Variants in KAZN observed in about 807,000 individuals in gnomAD.
The protein encoded by KAZN is kazrin.
A neutral mutation model predicts 87.4 loss-of-function variants in KAZN; 40 were observed. That is an observed-to-expected ratio of 0.46 (90% CI 0.36 to 0.60). The LOEUF (loss-of-function observed/expected upper bound fraction) is 0.60. Ranked by LOEUF, KAZN falls within the 20% of genes least tolerant of loss-of-function variation. KAZN has a pLI of 0.00. For missense variants in KAZN, 898 were observed against 1,073.9 expected (o/e 0.84, Z 2.29); for synonymous variants, 466 against 458.3 (o/e 1.02, Z -0.22).
rs114849500 is a variant in KAZN, at chr1:14,419,507, C to G, written c.250-179476C>G. 8.5e-3 allele frequency among the ~76,000 whole-genome samples: 1,298 copies of G among 152,294 alleles called. 16 individuals carry two copies. Among genetic ancestry groups the G allele is most frequent in the African/African-American group, 0.03 (1,244 of 41,556 alleles). On this transcript the variant is annotated intron_variant, in intron 2 of 16. Coordinates refer to the KAZN transcript ENST00000636203. ...CCCTGGACTTACCAGAGTGTTAGGCCAGTTCCCTCTGTGTGGGGAAGTGTC... is the reference window on the plus strand; with the variant it reads ...CCCTGGACTTACCAGAGTGTTAGGCGAGTTCCCTCTGTGTGGGGAAGTGTC...
Position 14,514,398 on chromosome 1 carries a change from TA to T in KAZN, c.250-84584del, listed in dbSNP as rs1185297891. Among the ~76,000 whole-genome samples, 3 of 24,706 alleles carry T rather than the reference TA, an allele frequency of 1.2e-4. 1 individual carries two copies. Among genetic ancestry groups the T allele is most frequent in the African/African-American group, 1.8e-4 (1 of 5,634 alleles). The allele number at this position is 24,706 out of a possible 152,430, so 16.2% of individuals were successfully genotyped here. On this transcript the variant is annotated intron_variant, in intron 2 of 16. Coordinates refer to the KAZN transcript ENST00000636203. The stretch of plus-strand genomic sequence containing the variant: ...ATAATATATATATATTATATATATT[TA>T]TATATATAATATATAAATATATATA...
intron 1 of KAZN, among the ~76,000 whole-genome samples, chr1:14,052,003 G>A (rs181178128): frequency 8.7e-4 from 132 of 152,322 alleles, no homozygotes; most frequent in African/African-American, 3.0e-3. Context: ...TAAACTTTGG[G>A]TATGGCAGTG....
intron 1 of KAZN, among the ~76,000 whole-genome samples, chr1:14,089,561 C>G (rs920028955): frequency 6.6e-6 from 1 of 152,122 alleles, no homozygotes; most frequent in Non-Finnish European, 1.5e-5. Flanking sequence ...ACTATACTTT[C>G]ATTTCCTCCC....
chr1:15,108,534 G>A (rs1641377945), intron 13 of KAZN, among the ~76,000 whole-genome samples: 1 of 152,250 alleles, frequency 6.6e-6, no homozygotes, highest in Admixed American at 6.5e-5. Context: ...AGCCACCGTG[G>A]TGAGGAGCTG....
At chr1:14,035,214 C>T (rs541196755) in intron 1 of KAZN, among the ~76,000 whole-genome samples, 38 of 152,202 alleles carry the variant, frequency 2.5e-4, no homozygotes, top group Non-Finnish European at 2.1e-4. Context: ...CGGGGAGATC[C>T]GTGGTTGCCG....
intron 2 of KAZN, among the ~76,000 whole-genome samples, chr1:14,464,211 C>T (rs980139431): frequency 2.0e-5 from 3 of 152,210 alleles, no homozygotes; most frequent in Non-Finnish European, 4.4e-5. Context: ...GATCAGAGAT[C>T]AGAAACTAGT....
At chr1:14,827,268 C>T (rs74347537) in intron 1 of KAZN, among the ~76,000 whole-genome samples, 2 of 151,966 alleles carry the variant, frequency 1.3e-5, no homozygotes, top group Non-Finnish European at 2.9e-5. Context: ...GTTTTTTAAA[C>T]TTTCCGTAAG....
At chr1:14,072,602 A>G (rs1313444808) in intron 1 of KAZN, among the ~76,000 whole-genome samples, 1 of 152,194 alleles carries the variant, frequency 6.6e-6, no homozygotes, top group Non-Finnish European at 1.5e-5. Flanking sequence ...ATAATTATGA[A>G]AGCCCTGGTA....
At position 13,999,923 on chromosome 1, in the gene KAZN, A is replaced by G. The variant is rs373348157; in HGVS notation, c.91+106167A>G. ...ATCAGAGAATACTATAAAAACTTCT[A>G]TGTAAATAAACTAGAAAATCTAAAA... On this transcript the variant is annotated intron_variant, in intron 1 of 16. Coordinates refer to the KAZN transcript ENST00000636203. Among the ~76,000 whole-genome samples, 7 of 152,368 alleles carry G rather than the reference A, an allele frequency of 4.6e-5. No homozygotes were observed. The East Asian group carries it at 1.2e-3, about 25-fold the overall frequency.
chr1:15,007,942 C>T (rs561523877), intron 2 of KAZN, among the ~76,000 whole-genome samples: 17 of 152,224 alleles, frequency 1.1e-4, no homozygotes, highest in Non-Finnish European at 2.4e-4. Flanking sequence ...GTCACCCAGC[C>T]TTGGCACAGA....
At chr1:15,095,465 G>A (rs1640765985) in intron 10 of KAZN, among the ~76,000 whole-genome samples, 1 of 152,130 alleles carries the variant, frequency 6.6e-6, no homozygotes, top group Admixed American at 6.5e-5. Context: ...CTCATCAGGT[G>A]TACCCCCGCA....
Position 14,914,171 on chromosome 1 carries a change from G to A in KAZN, c.227-46513G>A, listed in dbSNP as rs191548103. Among the ~76,000 whole-genome samples the A allele has an allele frequency of 9.5e-3, 1,441 of 152,292 alleles. 23 individuals are homozygous for A. Among genetic ancestry groups the A allele is most frequent in the Non-Finnish European group, 0.013 (881 of 68,026 alleles). ...TCTGATTCAGGAGGTCTGGGGTGGG[G>A]CCAAGAATTTGCATTTCTCCTCCAT... On this transcript the variant is annotated intron_variant, in intron 1 of 14. Transcript: ENST00000376030.
At chr1:15,006,831 C>A (rs562522842) in intron 2 of KAZN, among the ~76,000 whole-genome samples, 1 of 151,786 alleles carries the variant, frequency 6.6e-6, no homozygotes, top group Non-Finnish European at 1.5e-5. Flanking sequence ...CCGAGGCAGG[C>A]GGATCACGAG....
intron 1 of KAZN, among the ~76,000 whole-genome samples, chr1:14,177,184 G>C (rs1646096509): frequency 6.6e-6 from 1 of 151,976 alleles, no homozygotes; most frequent in African/African-American, 2.4e-5. Flanking sequence ...TGCTTACATT[G>C]GCACCTGCTT....
chr1:15,065,550 T>C (rs941525079), intron 7 of KAZN, 80 bp from the exon 8 acceptor site: 8 of 1,237,066 alleles, frequency 6.5e-6, no homozygotes, highest in Admixed American at 2.0e-5. Flanking sequence ...CCGGATCCCA[T>C]CCACTGCAGT....
chr1:15,063,500 G>A (rs376825618), intron 6 of KAZN, 72 bp from the exon 7 acceptor site: 244 of 1,334,924 alleles, frequency 1.8e-4, no homozygotes, highest in African/African-American at 2.7e-4. Flanking sequence ...GCCCCACACC[G>A]CACGGGCCGC....
intron 1 of KAZN, among the ~76,000 whole-genome samples, chr1:14,615,536 G>C (rs1252998613): frequency 6.6e-6 from 1 of 151,870 alleles, no homozygotes; most frequent in East Asian, 1.9e-4. Flanking sequence ...TGAAGCACAA[G>C]AATTGCTTGA....
intron 1 of KAZN, among the ~76,000 whole-genome samples, chr1:14,828,106 A>T (rs1030601734): frequency 2.6e-5 from 4 of 152,180 alleles, no homozygotes; most frequent in African/African-American, 9.7e-5. Context: ...CGAATTCTCT[A>T]TGCCATCCCT....
rs1641837366 is a variant in KAZN, at chr1:14,700,069, A to G, written c.226+100846A>G. The stretch of plus-strand genomic sequence containing the variant: ...CCTCCATCACAAGCAAGGGGCAGAA[A>G]GGGTTATGCTGAAAGAAGGCCAGAT... On this transcript the variant is annotated intron_variant, in intron 1 of 14. Transcript: ENST00000376030. Among the ~76,000 whole-genome samples the G allele has an allele frequency of 2.0e-5, 3 of 152,176 alleles. No individual in the cohort carries two copies. The South Asian group carries it at 6.2e-4, about 32-fold the overall frequency.
Sources: allele counts gnomAD v4.1 joint callset (sites outside exome capture counted in the v4.1 genomes callset), GRCh38; gene constraint gnomAD v4.1.1; transcripts MANE v1.5; gene names NCBI Gene and HGNC (gene_info 2026-07-23, HGNC 2026-07-21).